CDH13: variants seen among roughly 807,000 people sequenced by gnomAD.
CDH13 encodes cadherin 13.
Under a neutral mutation model 63.8 loss-of-function variants are expected in CDH13, and 24 were observed. That is an observed-to-expected ratio of 0.38 (90% CI 0.27 to 0.53). The LOEUF is 0.53. Among genes scored for constraint, CDH13 ranks in the 20% least tolerant of loss-of-function variants. The probability of loss-of-function intolerance (pLI) is 0.85; values close to 1 mark genes in which losing one functional copy is unlikely to be tolerated. For missense variants in CDH13, 1,049 were observed against 903.1 expected, an observed-to-expected ratio of 1.16 and a Z score of -2.07; for synonymous variants, 503 against 355.3, an observed-to-expected ratio of 1.42 and a Z score of -4.67.
chr16:83,136,384 G>A (rs1310639016), intron 4 of CDH13, among the ~76,000 whole-genome samples: 4 of 151,448 alleles, frequency 2.6e-5, no homozygotes, highest in East Asian at 1.9e-4. Flanking sequence ...TACTCGGGAG[G>A]CTGAGGCAGG....
intron 1 of CDH13, among the ~76,000 whole-genome samples, chr16:82,722,505 T>A (rs1282827765): frequency 1.3e-5 from 2 of 152,182 alleles, no homozygotes; most frequent in Non-Finnish European, 2.9e-5. Flanking sequence ...GTACAGGTAC[T>A]GTGCCAGATG....
intron 1 of CDH13, among the ~76,000 whole-genome samples, chr16:82,793,532 A>C (rs2036422558): frequency 6.6e-6 from 1 of 152,152 alleles, no homozygotes; most frequent in Non-Finnish European, 1.5e-5. Flanking sequence ...GTTCTCCTGA[A>C]TGGTTATTCT....
chr16:83,231,349 C>G (rs1477740082), intron 5 of CDH13, among the ~76,000 whole-genome samples: 1 of 152,096 alleles, frequency 6.6e-6, no homozygotes, highest in African/African-American at 2.4e-5. Context: ...TCAGGGCTCT[C>G]CGAGGGAATA....
rs2035767076 is a variant in CDH13, at chr16:83,125,423, A to G, written c.405A>G (p.Arg135=). 1.9e-6 allele frequency: 3 copies of G among 1,611,072 alleles called. No individual in the cohort carries two copies. Among genetic ancestry groups the G allele is most frequent in the Middle Eastern group, 1.7e-4 (1 of 6,046 alleles). The part of the protein sequence containing the change: ...FKFARTSPVP[R]QKRSIVVSPI... ...TTGCAAGAACTTCTCCTGTCCCAAG[A>G]CAAAAGAGGTCCATTGTGGTATCTC... The change falls in exon 4 of 14, where the codon AGA becomes AGG. Residue 135 remains arginine, a synonymous_variant. Coordinates refer to ENST00000567109, the MANE Select transcript of CDH13 (RefSeq NM_001257.5).
intron 6 of CDH13, among the ~76,000 whole-genome samples, chr16:83,470,121 A>C (rs999944803): frequency 1.3e-5 from 2 of 152,312 alleles, no homozygotes; most frequent in Admixed American, 1.3e-4. Context: ...CCCTGCACAC[A>C]CATACACCTG....
At chr16:83,646,228 C>T (rs967140013) in intron 8 of CDH13, among the ~76,000 whole-genome samples, 1 of 152,226 alleles carries the variant, frequency 6.6e-6, no homozygotes, top group Admixed American at 6.5e-5. Context: ...TTGTACTTCT[C>T]TGTGCCTCAG....
At position 83,047,436 on chromosome 16, in the gene CDH13, G is replaced by A. The variant is rs997755926; in HGVS notation, c.366+15218G>A. On this transcript the variant is annotated intron_variant, in intron 3 of 13. Transcript: ENST00000567109. The surrounding 1 kb of genome is among the most constrained non-coding windows in gnomAD (Gnocchi z 4.9). The stretch of plus-strand genomic sequence containing the variant: ...TTAACAAAGCCTAGTCTGTAAGAGC[G>A]TGACCACCAGTCTTATTTACCTTGT... 1.4e-4 allele frequency among the ~76,000 whole-genome samples: 22 copies of A among 151,994 alleles called. No individual in the cohort carries two copies. The highest frequency in any genetic ancestry group is 2.1e-4 in the South Asian group (1 of 4,810).
intron 7 of CDH13, among the ~76,000 whole-genome samples, chr16:83,565,195 G>A (rs554003084): frequency 3.3e-5 from 5 of 151,902 alleles, no homozygotes; most frequent in South Asian, 2.1e-4. Flanking sequence ...TTCAGATCTC[G>A]CCCAAGGCTT....
intron 10 of CDH13, among the ~76,000 whole-genome samples, chr16:83,720,659 C>A (rs941370146): frequency 6.6e-6 from 1 of 152,088 alleles, no homozygotes; most frequent in African/African-American, 2.4e-5. Context: ...CTCGTTTTCA[C>A]AGGAAGCAGC....
intron 1 of CDH13, among the ~76,000 whole-genome samples, chr16:82,721,200 G>A (rs1166357085): frequency 6.6e-6 from 1 of 152,078 alleles, no homozygotes; most frequent in Non-Finnish European, 1.5e-5. Context: ...CTATCAAAAA[G>A]CATAAGACAT....
chr16:83,508,203 T>G (rs959810137), intron 7 of CDH13: 4 of 151,298 alleles, frequency 2.6e-5, no homozygotes, highest in African/African-American at 9.8e-5. Flanking sequence ...AGGGAATACA[T>G]TTAATAAATG....
chr16:83,002,720 G>C (rs12929409), intron 2 of CDH13, among the ~76,000 whole-genome samples: 2 of 152,160 alleles, frequency 1.3e-5, no homozygotes, highest in African/African-American at 4.8e-5. Flanking sequence ...ATGCTACTGA[G>C]AAGGGGCGTT....
intron 1 of CDH13, among the ~76,000 whole-genome samples, chr16:82,736,094 C>G (rs1254595404): frequency 6.6e-6 from 1 of 152,182 alleles, no homozygotes; most frequent in Non-Finnish European, 1.5e-5. Context: ...CCCTGAGTTT[C>G]CAAACTAGTC....
intron 2 of CDH13, among the ~76,000 whole-genome samples, chr16:83,024,870 G>C (rs979832325): frequency 6.6e-6 from 1 of 152,126 alleles, no homozygotes; most frequent in African/African-American, 2.4e-5. Context: ...CATGAAGTAC[G>C]TAGGGCTTCA....
intron 1 of CDH13, among the ~76,000 whole-genome samples, chr16:82,857,454 T>C (rs1006563796): frequency 2.0e-5 from 3 of 152,164 alleles, no homozygotes; most frequent in African/African-American, 7.2e-5. Flanking sequence ...TTTATGGCCT[T>C]ATAGCCTTTG....
intron 1 of CDH13, among the ~76,000 whole-genome samples, chr16:82,652,199 C>T (rs1420696230): frequency 6.6e-6 from 1 of 152,144 alleles, no homozygotes. Flanking sequence ...CCTGGAGAGT[C>T]TTGTGCTTCA....
rs1567513960 is a variant in CDH13, at chr16:83,216,422, AT to A, written c.484-922del. On this transcript the variant is annotated intron_variant, in intron 4 of 13. Transcript: ENST00000567109. The stretch of plus-strand genomic sequence containing the variant: ...AATATATATATATATATATATATAT[AT>A]ATATATATATATATATATATACACA... Among the ~76,000 whole-genome samples, 50 of 97,558 alleles carry A rather than the reference AT, an allele frequency of 5.1e-4. 7 individuals carry two copies. The highest frequency in any genetic ancestry group is 4.6e-3 in the South Asian group (13 of 2,828). 64.0% of individuals were successfully genotyped at this position (97,558 alleles called of 152,430 possible). A position where few individuals can be genotyped will look rare whatever the true frequency, so the allele number is the denominator to read the frequency against.
chr16:83,455,366 CTGGTG>C (rs1389415332), intron 6 of CDH13, among the ~76,000 whole-genome samples: 1 of 152,154 alleles, frequency 6.6e-6, no homozygotes, highest in African/African-American at 2.4e-5. Flanking sequence ...TGCAGGGAGC[CTGGTG>C]TGATCACTGG....
intron 5 of CDH13, among the ~76,000 whole-genome samples, chr16:83,265,235 C>G (rs922581684): frequency 3.3e-5 from 5 of 152,102 alleles, no homozygotes; most frequent in Non-Finnish European, 7.3e-5. Flanking sequence ...GACTGGCCAT[C>G]AAACTGGGAA....
Sources: allele counts gnomAD v4.1 joint callset (sites outside exome capture counted in the v4.1 genomes callset), GRCh38; gene constraint gnomAD v4.1.1; non-coding constraint Gnocchi (gnomAD v3.1); transcripts MANE v1.5; gene names NCBI Gene and HGNC (gene_info 2026-07-23, HGNC 2026-07-21).